LSAMP: variants seen among roughly 807,000 people sequenced by gnomAD.
LSAMP encodes the protein limbic system-associated membrane protein.
LSAMP carries 7 observed loss-of-function variants against 38.6 expected under a neutral mutation model. The observed-to-expected ratio is 0.18, with a 90% CI of 0.10 to 0.34. The LOEUF (loss-of-function observed/expected upper bound fraction) is 0.34. LSAMP is among the 10% of genes least tolerant of loss of function. The probability of loss-of-function intolerance (pLI) is 1.00; values close to 1 mark genes in which losing one functional copy is unlikely to be tolerated. For missense variants in LSAMP, 313 were observed against 420.0 expected (o/e 0.75, Z 2.23); for synonymous variants, 154 against 166.8 (o/e 0.92, Z 0.59).
At chr3:115,879,154 C>T (rs1559864078) in intron 3 of LSAMP, among the ~76,000 whole-genome samples, 1 of 152,046 alleles carries the variant, frequency 6.6e-6, no homozygotes, top group South Asian at 2.1e-4. Flanking sequence ...ATTTTATGAT[C>T]CAAGAAGTAC....
chr3:115,823,895 T>C (rs967568253), intron 6 of LSAMP, among the ~76,000 whole-genome samples: 3 of 152,246 alleles, frequency 2.0e-5, no homozygotes, highest in Non-Finnish European at 4.4e-5. Context: ...AGGCTTGATG[T>C]ACTGGGTATT....
At chr3:116,016,795 A>C (rs957384005) in intron 3 of LSAMP, among the ~76,000 whole-genome samples, 2 of 152,182 alleles carry the variant, frequency 1.3e-5, no homozygotes, top group African/African-American at 4.8e-5. Context: ...TTTGCATGTC[A>C]AAGAAATAAA....
chr3:115,819,392 T>C (rs1297715390), intron 6 of LSAMP, among the ~76,000 whole-genome samples: 2 of 151,602 alleles, frequency 1.3e-5, no homozygotes, highest in Non-Finnish European at 2.9e-5. Context: ...ATTGCACCAC[T>C]GCTCTCCAGC....
intron 3 of LSAMP, among the ~76,000 whole-genome samples, chr3:116,011,598 T>C (rs1940327380): frequency 6.6e-6 from 1 of 152,038 alleles, no homozygotes; most frequent in Non-Finnish European, 1.5e-5. Flanking sequence ...ACCATTTCCA[T>C]ACTTAGAAAT....
intron 1 of LSAMP, among the ~76,000 whole-genome samples, chr3:116,254,614 G>C (rs1367146259): frequency 6.6e-6 from 1 of 152,116 alleles, no homozygotes. Flanking sequence ...AGTTCTGCTA[G>C]AACTCAAGCT....
chr3:116,320,957 T>A (rs1385412637), intron 1 of LSAMP, among the ~76,000 whole-genome samples: 1 of 152,198 alleles, frequency 6.6e-6, no homozygotes, highest in Non-Finnish European at 1.5e-5. Context: ...AAAAGCTTCC[T>A]CCCCAAACAT....
At chr3:116,290,724 T>C (rs918137445) in intron 1 of LSAMP, among the ~76,000 whole-genome samples, 2 of 128,316 alleles carry the variant, frequency 1.6e-5, no homozygotes, top group African/African-American at 5.6e-5. Context: ...AGCGAGACTC[T>C]GTCTCACAAA....
At chr3:116,398,424 T>C (rs1289747022) in intron 1 of LSAMP, among the ~76,000 whole-genome samples, 1 of 152,130 alleles carries the variant, frequency 6.6e-6, no homozygotes, top group Non-Finnish European at 1.5e-5. Flanking sequence ...TCTGGCTCCG[T>C]AGGTATTCAA....
At chr3:115,888,086 G>T (rs548228405) in intron 3 of LSAMP, among the ~76,000 whole-genome samples, 21 of 151,804 alleles carry the variant, frequency 1.4e-4, no homozygotes, top group Non-Finnish European at 3.1e-4. Flanking sequence ...GCAAATAGTT[G>T]TCCTTTTATA....
chr3:116,106,242 T>C (rs555152340), intron 1 of LSAMP, among the ~76,000 whole-genome samples: 1 of 152,280 alleles, frequency 6.6e-6, no homozygotes, highest in African/African-American at 2.4e-5. Context: ...CACCAGGAGA[T>C]ATCAGCTGTA....
intron 1 of LSAMP, among the ~76,000 whole-genome samples, chr3:116,114,441 G>A (rs1485635837): frequency 1.3e-5 from 2 of 152,026 alleles, no homozygotes; most frequent in African/African-American, 4.8e-5. Flanking sequence ...GTTGTATAAG[G>A]AACAAGGTCT....
At chr3:115,831,250 A>G (rs1934598861) in intron 6 of LSAMP, among the ~76,000 whole-genome samples, 1 of 152,170 alleles carries the variant, frequency 6.6e-6, no homozygotes, top group African/African-American at 2.4e-5. Context: ...TTCACTTGGG[A>G]TAAATAATCA....
At chr3:115,936,701 C>T (rs1937712988) in intron 3 of LSAMP, among the ~76,000 whole-genome samples, 1 of 152,004 alleles carries the variant, frequency 6.6e-6, no homozygotes, top group Non-Finnish European at 1.5e-5. Flanking sequence ...AAGTCATGTC[C>T]AAAGTTCATT....
intron 1 of LSAMP, among the ~76,000 whole-genome samples, chr3:116,135,141 C>T (rs942109579): frequency 6.6e-6 from 1 of 152,132 alleles, no homozygotes; most frequent in African/African-American, 2.4e-5. Context: ...ATTTATTACT[C>T]AAGATCTCAC....
At chr3:116,319,829 A>G (rs906363082) in intron 1 of LSAMP, among the ~76,000 whole-genome samples, 4 of 151,848 alleles carry the variant, frequency 2.6e-5, no homozygotes, top group African/African-American at 9.7e-5. Flanking sequence ...AAAAATGGAA[A>G]GTTTAGCTCA....
chr3:116,065,079 G>A (rs1707389871), intron 2 of LSAMP, among the ~76,000 whole-genome samples: 1 of 152,154 alleles, frequency 6.6e-6, no homozygotes, highest in African/African-American at 2.4e-5. Flanking sequence ...TTTAACAGTA[G>A]CCACTTTGTC....
At chr3:115,973,008 A>T (rs752905093) in intron 3 of LSAMP, among the ~76,000 whole-genome samples, 6 of 152,050 alleles carry the variant, frequency 3.9e-5, no homozygotes, top group Non-Finnish European at 5.9e-5. Flanking sequence ...GAATGAAGAG[A>T]TTGAGGCAGA....
intron 1 of LSAMP, among the ~76,000 whole-genome samples, chr3:116,392,336 C>T (rs7652554): frequency 0.16 from 23,751 of 152,196 alleles, 2,175 homozygotes; most frequent in African/African-American, 0.25. Flanking sequence ...AGGGTGTCTG[C>T]TCCCACTGCC....
chr3:116,083,145 C>T (rs1707908482), intron 2 of LSAMP, among the ~76,000 whole-genome samples: 1 of 152,092 alleles, frequency 6.6e-6, no homozygotes, highest in African/African-American at 2.4e-5. Context: ...AAGGAGCCTA[C>T]TGCAAAGATA....
Sources: allele counts gnomAD v4.1 joint callset (sites outside exome capture counted in the v4.1 genomes callset), GRCh38; gene constraint gnomAD v4.1.1; transcripts MANE v1.5; gene names NCBI Gene and HGNC (gene_info 2026-07-23, HGNC 2026-07-21).